CNTN5: variants seen among roughly 807,000 people sequenced by gnomAD.
CNTN5 encodes contactin-5.
A neutral mutation model predicts 129.1 loss-of-function variants in CNTN5; 77 were observed. The observed-to-expected ratio is 0.60, with a 90% CI of 0.50 to 0.72. The LOEUF (loss-of-function observed/expected upper bound fraction) is 0.72, where lower values mean the gene tolerates loss of function less well. Among genes scored for constraint, CNTN5 ranks in the 30% least tolerant of loss-of-function variants. CNTN5 has a pLI of 0.00. For synonymous variants in CNTN5, 509 were observed against 465.6 expected (o/e 1.09, Z -1.20); for missense variants, 1,478 against 1,328.8 (o/e 1.11, Z -1.75).
intron 3 of CNTN5, among the ~76,000 whole-genome samples, chr11:99,581,358 C>G (rs1180392279): frequency 1.3e-5 from 2 of 148,584 alleles, no homozygotes; most frequent in African/African-American, 5.1e-5. Flanking sequence ...CCGCTTGGTG[C>G]AGAGCTGAGT....
chr11:100,262,361 C>A (rs1950217322), intron 17 of CNTN5, among the ~76,000 whole-genome samples: 1 of 152,150 alleles, frequency 6.6e-6, no homozygotes, highest in Admixed American at 6.5e-5. Flanking sequence ...ATTAGTTCAA[C>A]CTTTGTGGAG....
chr11:99,368,537 A>G (rs538169205), intron 2 of CNTN5, among the ~76,000 whole-genome samples: 5 of 152,226 alleles, frequency 3.3e-5, no homozygotes, highest in African/African-American at 9.6e-5. Context: ...CAATCACTCA[A>G]TAGAAGATCA....
chr11:99,068,692 A>T (rs1487451523), intron 1 of CNTN5, among the ~76,000 whole-genome samples: 1 of 152,110 alleles, frequency 6.6e-6, no homozygotes, highest in African/African-American at 2.4e-5. Context: ...TTTGGCTAGA[A>T]GCTCACTTTG....
At chr11:100,206,913 A>G (rs1366735648) in intron 15 of CNTN5, among the ~76,000 whole-genome samples, 1 of 152,040 alleles carries the variant, frequency 6.6e-6, no homozygotes, top group Non-Finnish European at 1.5e-5. Flanking sequence ...AACAAATAGA[A>G]TTGTATATCC....
chr11:99,898,924 T>G (rs1367574683), intron 6 of CNTN5, among the ~76,000 whole-genome samples: 1 of 152,052 alleles, frequency 6.6e-6, no homozygotes, highest in East Asian at 1.9e-4. Flanking sequence ...GCTTCTTTAG[T>G]GGAAATGCCT....
chr11:99,987,103 T>A (rs1181096008), intron 8 of CNTN5, among the ~76,000 whole-genome samples: 1 of 152,030 alleles, frequency 6.6e-6, no homozygotes, highest in Non-Finnish European at 1.5e-5. Flanking sequence ...AACATTGAAA[T>A]ACAAAAAATG....
At position 99,094,034 on chromosome 11, in the gene CNTN5, T is replaced by C. The variant is rs555559271; in HGVS notation, c.-210+72764T>C. On this transcript the variant is annotated intron_variant, in intron 1 of 24. Coordinates refer to ENST00000524871, the MANE Select transcript of CNTN5 (RefSeq NM_014361.4). Reference sequence around the variant, plus strand: ...AATATTTCTGAACATTAATGATTTCTACCCAATTAGATACTGTTAGTACAC... The same window carrying C: ...AATATTTCTGAACATTAATGATTTCCACCCAATTAGATACTGTTAGTACAC... 7.9e-5 allele frequency among the ~76,000 whole-genome samples: 12 copies of C among 152,154 alleles called. 1 individual carries two copies. Among genetic ancestry groups the C allele is most frequent in the African/African-American group, 2.9e-4 (12 of 41,550 alleles).
At chr11:99,568,729 A>T (rs1949083479) in intron 3 of CNTN5, among the ~76,000 whole-genome samples, 1 of 152,234 alleles carries the variant, frequency 6.6e-6, no homozygotes, top group East Asian at 1.9e-4. Flanking sequence ...TGTAAAACGA[A>T]CCATGTATAA....
intron 3 of CNTN5, among the ~76,000 whole-genome samples, chr11:99,684,083 C>T (rs1953679098): frequency 6.6e-6 from 1 of 151,750 alleles, no homozygotes; most frequent in Non-Finnish European, 1.5e-5. Context: ...CTCTACTCAA[C>T]ATATTCCCAT....
intron 1 of CNTN5, among the ~76,000 whole-genome samples, chr11:99,249,889 G>C (rs1862013766): frequency 6.6e-6 from 1 of 151,800 alleles, no homozygotes; most frequent in Admixed American, 6.6e-5. Flanking sequence ...CACAAATAGA[G>C]GCCATTCTTT....
intron 8 of CNTN5, among the ~76,000 whole-genome samples, chr11:99,972,134 G>C (rs1415246811): frequency 6.6e-6 from 1 of 150,776 alleles, no homozygotes; most frequent in Non-Finnish European, 1.5e-5. Context: ...GGTGGCGGGT[G>C]CCTGTAGTCC....
At chr11:100,190,538 G>A (rs1948448603) in intron 13 of CNTN5, among the ~76,000 whole-genome samples, 1 of 152,020 alleles carries the variant, frequency 6.6e-6, no homozygotes, top group South Asian at 2.1e-4. Flanking sequence ...GGTCTTGAAA[G>A]AGCCCAAATG....
intron 1 of CNTN5, among the ~76,000 whole-genome samples, chr11:99,257,563 G>T (rs913637640): frequency 1.3e-5 from 2 of 151,930 alleles, no homozygotes; most frequent in African/African-American, 4.8e-5. Context: ...ATGAAAAAAA[G>T]GTGTAATTTT....
chr11:99,655,591 C>G (rs1354419879), intron 3 of CNTN5, among the ~76,000 whole-genome samples: 3 of 152,022 alleles, frequency 2.0e-5, no homozygotes, highest in Admixed American at 6.6e-5. Flanking sequence ...TAAATTACTC[C>G]CTTGAACTGA....
chr11:99,143,200 C>A (rs1859609631), intron 1 of CNTN5, among the ~76,000 whole-genome samples: 1 of 151,646 alleles, frequency 6.6e-6, no homozygotes, highest in African/African-American at 2.4e-5. Flanking sequence ...AGAAACAGAG[C>A]TATACAGCTG....
intron 3 of CNTN5, among the ~76,000 whole-genome samples, chr11:99,558,595 A>G (rs1948746918): frequency 6.6e-6 from 1 of 152,010 alleles, no homozygotes; most frequent in Non-Finnish European, 1.5e-5. Context: ...CCTGCAAAAG[A>G]GCTATTATAC....
intron 3 of CNTN5, among the ~76,000 whole-genome samples, chr11:99,687,806 T>A (rs1953860950): frequency 6.6e-6 from 1 of 152,226 alleles, no homozygotes; most frequent in African/African-American, 2.4e-5. Flanking sequence ...TGATGTAGCA[T>A]ATTGTATTTC....
intron 8 of CNTN5, among the ~76,000 whole-genome samples, chr11:99,977,289 T>C (rs1037635322): frequency 3.3e-5 from 5 of 152,182 alleles, no homozygotes; most frequent in African/African-American, 1.2e-4. Context: ...CAGGAAGTTT[T>C]AAACTTTCTC....
chr11:99,683,480 G>T (rs1050598134), intron 3 of CNTN5, among the ~76,000 whole-genome samples: 1 of 151,732 alleles, frequency 6.6e-6, no homozygotes, highest in African/African-American at 2.4e-5. Context: ...TTTTAATTTT[G>T]TTCCATTGGT....
Sources: allele counts gnomAD v4.1 joint callset (sites outside exome capture counted in the v4.1 genomes callset), GRCh38; gene constraint gnomAD v4.1.1; transcripts MANE v1.5; gene names NCBI Gene and HGNC (gene_info 2026-07-23, HGNC 2026-07-21).